NUP214: variants seen among roughly 807,000 people sequenced by gnomAD.
NUP214 encodes the protein nucleoporin 214, also known as nuclear pore complex protein Nup214.
In NUP214, 79 loss-of-function variants were observed where a neutral mutation model predicts 196.2. The observed-to-expected ratio is 0.40, with a 90% CI of 0.34 to 0.49. NUP214 has a LOEUF of 0.49. NUP214 is among the 20% of genes least tolerant of loss of function. The pLI, the probability that NUP214 is intolerant of heterozygous loss-of-function variation, is 0.58. For synonymous variants in NUP214, 1,020 were observed against 990.5 expected, an observed-to-expected ratio of 1.03 and a Z score of -0.56; for missense variants, 2,468 against 2,539.0, an observed-to-expected ratio of 0.97 and a Z score of 0.60.
chr9:131,162,262 T>G (rs893496013), intron 18 of NUP214, among the ~76,000 whole-genome samples: 1 of 152,252 alleles, frequency 6.6e-6, no homozygotes, highest in African/African-American at 2.4e-5. Context: ...ATGTGGCACA[T>G]GACTGTATTG....
chr9:131,194,427 A>G (rs1833718048), intron 27 of NUP214, among the ~76,000 whole-genome samples: 1 of 152,012 alleles, frequency 6.6e-6, no homozygotes, highest in Non-Finnish European at 1.5e-5. Flanking sequence ...TTGTAGAAAC[A>G]GGGTTCCACC....
At chr9:131,174,447 C>CTT (rs1299530269) in intron 22 of NUP214, 129 bp downstream of exon 22, 28,066 of 341,840 alleles carry the variant, frequency 0.082, 762 homozygotes, top group South Asian at 0.094. Context: ...TTTTTTTTTT[C>CTT]TTTTTTTCTT....
chr9:131,135,360 G>A lies in NUP214; in HGVS notation c.938+356G>A, dbSNP rs182555235. On this transcript the variant is annotated intron_variant, in intron 8 of 35. Coordinates refer to ENST00000359428, the MANE Select transcript of NUP214 (RefSeq NM_005085.4). ...ACTGAGATTACAGGTGTGAGCTACC[G>A]CACCCAGCCTGAAATCTTTTCCATT... 1.6e-3 allele frequency: 339 copies of A among 209,666 alleles called. 2 individuals are homozygous for A. The highest frequency in any genetic ancestry group is 7.0e-3 in the African/African-American group (308 of 43,738). The allele number at this position is 209,666 out of a possible 1,614,324, so 13.0% of individuals were successfully genotyped here. A position where few individuals can be genotyped will look rare whatever the true frequency, so the allele number is the denominator to read the frequency against.
At chr9:131,157,784 T>C (rs1185861779) in intron 17 of NUP214, among the ~76,000 whole-genome samples, 1 of 151,870 alleles carries the variant, frequency 6.6e-6, no homozygotes, top group Non-Finnish European at 1.5e-5. Flanking sequence ...TAGCTGGGAT[T>C]ACAGGCGCGC....
intron 22 of NUP214, 82 bp from the exon 23 acceptor site, chr9:131,175,378 A>T: frequency 6.7e-7 from 1 of 1,500,396 alleles, no homozygotes; most frequent in Non-Finnish European, 9.1e-7. Context: ...CCTGCAGTCG[A>T]ACATAAAGAA....
chr9:131,136,162 C>G (rs111254480), intron 9 of NUP214, among the ~76,000 whole-genome samples, 156 bp downstream of exon 9: 3,121 of 152,290 alleles, frequency 0.02, 101 homozygotes, highest in African/African-American at 0.072. Context: ...GCCTCAGCCT[C>G]CCAAGTAGCT....
intron 2 of NUP214, 31 bp downstream of exon 2, chr9:131,127,750 AGAGAG>A (rs1564175212): frequency 6.6e-7 from 1 of 1,522,310 alleles, no homozygotes; most frequent in Non-Finnish European, 9.1e-7. Context: ...TGCAAAGTAG[AGAGAG>A]GAGTATGGTG....
chr9:131,191,655 A>G (rs566910835), intron 26 of NUP214: 1 of 152,348 alleles, frequency 6.6e-6, no homozygotes, highest in African/African-American at 2.4e-5. Flanking sequence ...GAACACGATT[A>G]TTTGTTAAAT....
chr9:131,127,513 C>A lies in NUP214; in HGVS notation c.46-11C>A, dbSNP rs1045629506. ...TTATTGAATTGATCTCGTTTTGATTCTTCACAACAGGATTTTCAGTTTAGA... is the reference window on the plus strand; with the variant it reads ...TTATTGAATTGATCTCGTTTTGATTATTCACAACAGGATTTTCAGTTTAGA... On this transcript the variant is annotated splice_polypyrimidine_tract_variant and intron_variant, in intron 1 of 35. Coordinates refer to ENST00000359428, the MANE Select transcript of NUP214 (RefSeq NM_005085.4). 1 of 1,592,156 alleles carries A rather than the reference C, an allele frequency of 6.3e-7. No individual in the cohort carries two copies. The highest frequency in any genetic ancestry group is 1.4e-5 in the African/African-American group (1 of 73,838).
At position 131,178,390 on chromosome 9, in the gene NUP214, A is replaced by C. The variant is rs1833174547; in HGVS notation, c.3399A>C (p.Ala1133=). The C allele has an allele frequency of 6.2e-7, 1 of 1,613,470 alleles. No homozygotes were observed. Among genetic ancestry groups the C allele is most frequent in the South Asian group, 1.1e-5 (1 of 90,998 alleles). The change falls in exon 24 of 36, where the codon GCA becomes GCC. Residue 1133 remains alanine, a synonymous_variant. Transcript: ENST00000359428. ...VNVQELKNNP[A]TPSTAMGSSV... is the part of the protein sequence containing the mutation. ...TGCAGGAATTGAAGAATAACCCTGC[A>C]ACCCCTTCTACAGCCATGGGGTATG... is the stretch of plus-strand genomic sequence containing the variant.
chr9:131,135,876 A>T, intron 8 of NUP214, 64 bp from the exon 9 acceptor site: 1 of 1,337,606 alleles, frequency 7.5e-7, no homozygotes, highest in South Asian at 1.2e-5. Context: ...TTACCTGCAG[A>T]CCCAGGTTAG....
intron 31 of NUP214, among the ~76,000 whole-genome samples, chr9:131,218,151 A>T (rs1834453479): frequency 2.6e-5 from 4 of 152,248 alleles, no homozygotes; most frequent in African/African-American, 9.6e-5. Flanking sequence ...TGTGTGCCTA[A>T]GGGAAGTTTA....
At chr9:131,210,603 G>A (rs1476112898) in intron 30 of NUP214, among the ~76,000 whole-genome samples, 2 of 151,874 alleles carry the variant, frequency 1.3e-5, no homozygotes, top group Non-Finnish European at 2.9e-5. Context: ...CTCCAGCCTG[G>A]GAAACAGAGC....
chr9:131,144,079 C>T (rs1223486226), intron 11 of NUP214, among the ~76,000 whole-genome samples: 1 of 152,170 alleles, frequency 6.6e-6, no homozygotes, highest in Admixed American at 6.5e-5. Flanking sequence ...AATGTCTTTC[C>T]TTAGTTTTCC....
At position 131,144,607 on chromosome 9, in the gene NUP214, C is replaced by T; in HGVS notation, c.1622C>T (p.Pro541Leu). Residue 541 changes from proline (P) to leucine (L), a missense_variant, in exon 12 of 36, where the codon CCA becomes CTA. Transcript: ENST00000359428. ...APTPAASPVAPSAASFSFGSS... is the reference protein window; with the variant it reads ...APTPAASPVALSAASFSFGSS... ...ACCCCTGCAGCGTCTCCTGTGGCTC[C>T]ATCAGCTGCTTCATTCTCCTTTGGA... 6.2e-7 allele frequency: 1 copy of T among 1,614,194 alleles called. No individual in the cohort carries two copies. The highest frequency in any genetic ancestry group is 8.5e-7 in the Non-Finnish European group (1 of 1,180,040).
intron 1 of NUP214, chr9:131,127,228 C>G (rs1022034411): frequency 2.0e-5 from 4 of 199,080 alleles, no homozygotes; most frequent in South Asian, 1.0e-4. Flanking sequence ...ACTAAAAATA[C>G]AAAAATTAGA....
At position 131,233,803 on chromosome 9, in the gene NUP214, C is replaced by CT. The variant is rs746253532; in HGVS notation, c.*318dup. The CT allele has an allele frequency of 2.5e-5, 11 of 438,742 alleles. No individual in the cohort carries two copies. Among genetic ancestry groups the CT allele is most frequent in the Non-Finnish European group, 4.3e-5 (10 of 234,284 alleles). The allele number at this position is 438,742 out of a possible 1,614,324, so 27.2% of individuals were successfully genotyped here. A position where few individuals can be genotyped will look rare whatever the true frequency, so the allele number is the denominator to read the frequency against. ...GCCTCCATCAGCCAGAACACTGTGT[C>CT]TTCAAGGATGGCATCAGAAGTCACC... is the stretch of plus-strand genomic sequence containing the variant. On this transcript the variant is annotated 3_prime_UTR_variant, in exon 36 of 36. Transcript: ENST00000359428.
intron 29 of NUP214, 84 bp from the exon 30 acceptor site, chr9:131,201,563 C>CAA (rs56349054): frequency 0.097 from 85,555 of 886,132 alleles, 5 homozygotes; most frequent in Non-Finnish European, 0.11. Context: ...GACTCTGCCT[C>CAA]AAAAAAAAAA....
intron 29 of NUP214, among the ~76,000 whole-genome samples, chr9:131,200,662 T>A (rs1003642804): frequency 1.3e-5 from 2 of 152,242 alleles, no homozygotes; most frequent in East Asian, 3.9e-4. Context: ...TGAGCCAAGA[T>A]CGTGCCACTG....
Sources: allele counts gnomAD v4.1 joint callset (sites outside exome capture counted in the v4.1 genomes callset), GRCh38; gene constraint gnomAD v4.1.1; transcripts MANE v1.5; gene names NCBI Gene and HGNC (gene_info 2026-07-23, HGNC 2026-07-21).